ROBO2: variants seen among roughly 807,000 people sequenced by gnomAD.
ROBO2 encodes roundabout homolog 2.
In ROBO2, 53 loss-of-function variants were observed where a neutral mutation model predicts 160.8. The observed-to-expected ratio is 0.33, with a 90% CI of 0.26 to 0.41. The LOEUF (loss-of-function observed/expected upper bound fraction) is 0.41, where lower values mean the gene tolerates loss of function less well. Ranked by LOEUF, ROBO2 falls within the 10% of genes least tolerant of loss-of-function variation. ROBO2 has a pLI of 1.00. For synonymous variants in ROBO2, 664 were observed against 611.7 expected (o/e 1.09, Z -1.26); for missense variants, 1,577 against 1,722.4 (o/e 0.92, Z 1.49).
At position 76,011,822 on chromosome 3, in the gene ROBO2, C is replaced by G. The variant is rs552601297; in HGVS notation, c.109+74220C>G. On this transcript the variant is annotated intron_variant, in intron 2 of 26. Transcript: ENST00000487694. Reference sequence around the variant, plus strand: ...GTCATCTGTCTTTCAGCAATATCACCCAGTGACTCGATGCAATCAAATGTG... The same window carrying G: ...GTCATCTGTCTTTCAGCAATATCACGCAGTGACTCGATGCAATCAAATGTG... Among the ~76,000 whole-genome samples, 5 of 152,076 alleles carry G rather than the reference C, an allele frequency of 3.3e-5. No homozygotes were observed. In the East Asian group the frequency reaches 9.7e-4, roughly 29 times the overall value.
intron 2 of ROBO2, among the ~76,000 whole-genome samples, chr3:76,164,888 T>G (rs1388514830): frequency 1.3e-5 from 2 of 152,036 alleles, no homozygotes; most frequent in Non-Finnish European, 2.9e-5. Flanking sequence ...ACTGGAACCA[T>G]GCCACAGAGG....
chr3:76,947,593 G>A (rs1054383071), intron 2 of ROBO2, among the ~76,000 whole-genome samples: 4 of 151,876 alleles, frequency 2.6e-5, no homozygotes, highest in African/African-American at 7.3e-5. Flanking sequence ...TCCTGCAATC[G>A]ATGACATGTG....
chr3:77,067,722 G>A (rs1274307028), intron 1 of ROBO2, among the ~76,000 whole-genome samples: 1 of 152,060 alleles, frequency 6.6e-6, no homozygotes, highest in South Asian at 2.1e-4. Context: ...AGCCTCAGTG[G>A]ACCTTAGAAA....
chr3:77,606,310 A>G (rs2094525081), intron 20 of ROBO2, among the ~76,000 whole-genome samples: 1 of 152,194 alleles, frequency 6.6e-6, no homozygotes, highest in Admixed American at 6.5e-5. Context: ...TCTCAAAATA[A>G]CTGAAAAAAG....
chr3:77,587,574 G>A (rs2094084910), intron 16 of ROBO2, among the ~76,000 whole-genome samples: 1 of 151,992 alleles, frequency 6.6e-6, no homozygotes, highest in African/African-American at 2.4e-5. Context: ...ATATGAAGTA[G>A]ACAATACTGG....
chr3:76,218,322 G>A (rs1032209974), intron 2 of ROBO2, among the ~76,000 whole-genome samples: 1 of 152,120 alleles, frequency 6.6e-6, no homozygotes, highest in African/African-American at 2.4e-5. Context: ...GGTCAGTCAG[G>A]CAGGAGAAGG....
intron 6 of ROBO2, 55 bp from the exon 7 acceptor site, chr3:77,527,348 T>A (rs1305456413): frequency 7.9e-7 from 1 of 1,264,956 alleles, no homozygotes; most frequent in Non-Finnish European, 1.0e-6. Flanking sequence ...TAATTTTTCT[T>A]TCTTTTTTTT....
intron 2 of ROBO2, among the ~76,000 whole-genome samples, chr3:76,662,779 A>C (rs2110069935): frequency 6.6e-6 from 1 of 152,288 alleles, no homozygotes; most frequent in Non-Finnish European, 1.5e-5. Flanking sequence ...GGAGTCAGGA[A>C]GGAAAACAGT....
intron 2 of ROBO2, among the ~76,000 whole-genome samples, chr3:77,465,205 A>T (rs1425246860): frequency 2.0e-5 from 3 of 152,186 alleles, no homozygotes; most frequent in Non-Finnish European, 4.4e-5. Context: ...CAGTTTGTGA[A>T]TTTTAGTAAT....
intron 2 of ROBO2, among the ~76,000 whole-genome samples, chr3:76,222,683 A>G (rs994622202): frequency 5.3e-5 from 8 of 152,050 alleles, no homozygotes; most frequent in African/African-American, 1.9e-4. Flanking sequence ...CCCGGCTCAT[A>G]CCAGACTACT....
chr3:77,263,272 A>C (rs767878717), intron 2 of ROBO2, among the ~76,000 whole-genome samples: 8 of 152,176 alleles, frequency 5.3e-5, no homozygotes, highest in Non-Finnish European at 8.8e-5. Flanking sequence ...TTTTATTTTA[A>C]GTTCAGGGAA....
At chr3:77,538,229 A>G (rs2092271254) in intron 6 of ROBO2, among the ~76,000 whole-genome samples, 1 of 124,872 alleles carries the variant, frequency 8.0e-6, no homozygotes, top group Admixed American at 9.9e-5. Flanking sequence ...CCCAGGCTGG[A>G]GTGCAGTGGT....
At chr3:76,221,744 C>G (rs1199779675) in intron 2 of ROBO2, among the ~76,000 whole-genome samples, 1 of 152,114 alleles carries the variant, frequency 6.6e-6, no homozygotes, top group Non-Finnish European at 1.5e-5. Context: ...TGACCATGAG[C>G]CCATTGCCAC....
chr3:76,684,879 GTATT>G (rs1338542055), intron 2 of ROBO2, among the ~76,000 whole-genome samples: 1 of 151,760 alleles, frequency 6.6e-6, no homozygotes, highest in Non-Finnish European at 1.5e-5. Flanking sequence ...ATTTGTATGT[GTATT>G]TATTTTAAAT....
At chr3:76,109,204 G>A (rs1392358939) in intron 2 of ROBO2, among the ~76,000 whole-genome samples, 2 of 151,566 alleles carry the variant, frequency 1.3e-5, no homozygotes, top group Non-Finnish European at 2.9e-5. Context: ...TCATAAATGA[G>A]TTTTGTAATT....
chr3:77,291,171 C>G (rs1472071244), intron 2 of ROBO2, among the ~76,000 whole-genome samples: 6 of 145,304 alleles, frequency 4.1e-5, no homozygotes, highest in South Asian at 2.2e-4. Context: ...GAGGCTAGAA[C>G]AGTAAAGACA....
intron 2 of ROBO2, among the ~76,000 whole-genome samples, chr3:77,202,849 A>T (rs528327518): frequency 6.6e-6 from 1 of 152,330 alleles, no homozygotes; most frequent in South Asian, 2.1e-4. Flanking sequence ...TCTCAAGATC[A>T]CATGACCAAG....
chr3:76,864,701 T>C (rs1373414693), intron 2 of ROBO2, among the ~76,000 whole-genome samples: 1 of 152,102 alleles, frequency 6.6e-6, no homozygotes, highest in East Asian at 1.9e-4. Flanking sequence ...TGTGTTTAAA[T>C]TTGACATCCG....
At chr3:77,597,147 C>T (rs2094323875) in intron 19 of ROBO2, among the ~76,000 whole-genome samples, 1 of 151,904 alleles carries the variant, frequency 6.6e-6, no homozygotes, top group African/African-American at 2.4e-5. Flanking sequence ...GTACTTGGCA[C>T]TATGGAAGAC....
Sources: allele counts gnomAD v4.1 joint callset (sites outside exome capture counted in the v4.1 genomes callset), GRCh38; gene constraint gnomAD v4.1.1; transcripts MANE v1.5; gene names NCBI Gene and HGNC (gene_info 2026-07-23, HGNC 2026-07-21).